The following ESRRG variants were observed in gnomAD, a reference collection of about 807,000 sequenced individuals.
The protein encoded by ESRRG is estrogen related receptor gamma.
A neutral mutation model predicts 44.0 loss-of-function variants in ESRRG; 13 were observed. The observed-to-expected ratio is 0.30, with a 90% CI of 0.19 to 0.47. The LOEUF is 0.47. ESRRG is among the 20% of genes least tolerant of loss of function. ESRRG has a pLI of 1.00. For missense variants in ESRRG, 395 were observed against 580.6 expected, an observed-to-expected ratio of 0.68 and a Z score of 3.29; for synonymous variants, 215 against 214.6, an observed-to-expected ratio of 1.00 and a Z score of -0.02.
At chr1:216,981,479 G>A (rs1407362299) in intron 1 of ESRRG, among the ~76,000 whole-genome samples, 6 of 152,136 alleles carry the variant, frequency 3.9e-5, no homozygotes, top group Non-Finnish European at 7.3e-5. Flanking sequence ...AGGAGCCGAT[G>A]AAGCAATTCG....
At chr1:216,942,362 C>T (rs950076491) in intron 1 of ESRRG, among the ~76,000 whole-genome samples, 2 of 152,054 alleles carry the variant, frequency 1.3e-5, no homozygotes, top group Non-Finnish European at 2.9e-5. Flanking sequence ...GTGAATAGTG[C>T]TGTGGTATAC....
chr1:216,677,512 A>G (rs770834289), intron 1 of ESRRG, 21 bp from the exon 2 acceptor site: 7 of 1,572,570 alleles, frequency 4.5e-6, no homozygotes, highest in Non-Finnish European at 6.1e-6. Context: ...GGAGATACAA[A>G]GAGAGACAGA....
intron 5 of ESRRG, among the ~76,000 whole-genome samples, chr1:216,533,680 A>C (rs912840644): frequency 6.6e-6 from 1 of 152,158 alleles, no homozygotes; most frequent in Non-Finnish European, 1.5e-5. Flanking sequence ...GGGTATACTA[A>C]CGCATGTTCC....
chr1:216,708,374 T>C (rs1241233355), intron 1 of ESRRG, among the ~76,000 whole-genome samples: 1 of 152,214 alleles, frequency 6.6e-6, no homozygotes, highest in East Asian at 1.9e-4. Flanking sequence ...TTCAATAGTA[T>C]TCTTTTAGTT....
At chr1:217,100,280 A>G (rs763245260) in intron 1 of ESRRG, among the ~76,000 whole-genome samples, 20 of 152,196 alleles carry the variant, frequency 1.3e-4, no homozygotes, top group Non-Finnish European at 2.6e-4. Flanking sequence ...TGGGTGGTCA[A>G]TATAGTCAAG....
intron 1 of ESRRG, among the ~76,000 whole-genome samples, chr1:217,001,375 A>T (rs191088103): frequency 1.5e-3 from 230 of 152,308 alleles, no homozygotes; most frequent in African/African-American, 5.3e-3. Flanking sequence ...CGTGGATGAT[A>T]CCAAACTGCC....
intron 1 of ESRRG, among the ~76,000 whole-genome samples, chr1:217,046,609 T>C (rs1227021945): frequency 6.6e-6 from 1 of 152,120 alleles, no homozygotes; most frequent in Non-Finnish European, 1.5e-5. Flanking sequence ...AGAATGGAGA[T>C]ATGGTGGCTC....
intron 2 of ESRRG, among the ~76,000 whole-genome samples, chr1:216,877,962 T>C (rs1012804184): frequency 1.3e-5 from 2 of 152,182 alleles, no homozygotes; most frequent in African/African-American, 2.4e-5. Flanking sequence ...CCATTGCATG[T>C]ATGTCATGGA....
intron 2 of ESRRG, among the ~76,000 whole-genome samples, chr1:216,835,521 T>C (rs2095551015): frequency 6.6e-6 from 1 of 152,192 alleles, no homozygotes; most frequent in Admixed American, 6.5e-5. Flanking sequence ...CATCTACTTA[T>C]AAAGTTAGGT....
chr1:216,833,376 C>G (rs2095516137), intron 2 of ESRRG, among the ~76,000 whole-genome samples: 1 of 152,172 alleles, frequency 6.6e-6, no homozygotes, highest in Non-Finnish European at 1.5e-5. Context: ...ATATCCAGTT[C>G]CAAGGCTGTA....
chr1:216,653,419 A>G (rs946639983), intron 2 of ESRRG, among the ~76,000 whole-genome samples: 1 of 152,210 alleles, frequency 6.6e-6, no homozygotes, highest in Non-Finnish European at 1.5e-5. Flanking sequence ...CCTGAATGAA[A>G]TATAAACTAT....
At chr1:216,941,865 C>A (rs1195978833) in intron 1 of ESRRG, among the ~76,000 whole-genome samples, 1 of 152,048 alleles carries the variant, frequency 6.6e-6, no homozygotes, top group East Asian at 1.9e-4. Flanking sequence ...CATTTTTTCC[C>A]TTGTCTGCAA....
intron 5 of ESRRG, among the ~76,000 whole-genome samples, chr1:216,542,594 A>G (rs1212246535): frequency 6.6e-6 from 1 of 152,056 alleles, no homozygotes; most frequent in Non-Finnish European, 1.5e-5. Flanking sequence ...TTTGTTACAC[A>G]TATATCTCTA....
At chr1:217,095,217 A>G (rs2092405077) in intron 1 of ESRRG, among the ~76,000 whole-genome samples, 1 of 152,252 alleles carries the variant, frequency 6.6e-6, no homozygotes, top group African/African-American at 2.4e-5. Flanking sequence ...CACAACACAG[A>G]TAGTGTATAA....
At chr1:216,911,631 G>A (rs141459306) in intron 2 of ESRRG, among the ~76,000 whole-genome samples, 22 of 152,200 alleles carry the variant, frequency 1.4e-4, no homozygotes, top group Admixed American at 8.5e-4. Context: ...TTCATCAATC[G>A]TAACAAATGT....
intron 1 of ESRRG, among the ~76,000 whole-genome samples, chr1:216,710,253 C>A (rs1272601167): frequency 6.6e-6 from 1 of 152,188 alleles, no homozygotes; most frequent in Non-Finnish European, 1.5e-5. Context: ...TAGCAGCCTG[C>A]TGATGGGCTG....
intron 2 of ESRRG, among the ~76,000 whole-genome samples, chr1:216,740,975 T>C (rs999028738): frequency 2.0e-5 from 3 of 151,958 alleles, no homozygotes; most frequent in East Asian, 3.9e-4. Context: ...TTTAAAGTGT[T>C]AATTCTCAGA....
At chr1:216,996,939 T>C (rs2076444428) in intron 1 of ESRRG, among the ~76,000 whole-genome samples, 1 of 152,126 alleles carries the variant, frequency 6.6e-6, no homozygotes, top group African/African-American at 2.4e-5. Context: ...ACAGGCTACA[T>C]AATCTGTGAA....
upstream of ESRRG, among the ~76,000 whole-genome samples, chr1:217,091,741 T>G (rs563332467): frequency 6.6e-6 from 1 of 152,278 alleles, no homozygotes; most frequent in East Asian, 1.9e-4. Context: ...GCATAGATGT[T>G]TCCAAAGAGG....
Sources: gnomAD v4.1 joint callset for allele counts (sites outside exome capture counted in the v4.1 genomes callset) on GRCh38, gnomAD v4.1.1 for gene constraint, MANE v1.5 for transcripts, NCBI Gene and HGNC (gene_info 2026-07-23, HGNC 2026-07-21) for gene names.